Variants in PLD5 observed in about 807,000 individuals in gnomAD.
PLD5 encodes inactive phospholipase D5.
Under a neutral mutation model 61.1 loss-of-function variants are expected in PLD5, and 36 were observed. The ratio of observed to expected loss-of-function variants is 0.59; its 90% CI spans 0.45 to 0.78. PLD5 has a LOEUF of 0.78. Ranked by LOEUF, PLD5 falls within the 30% of genes least tolerant of loss-of-function variation. The pLI is 0.00. For missense variants in PLD5, 515 were observed against 644.4 expected (o/e 0.80, Z 2.17); for synonymous variants, 243 against 242.8 (o/e 1.00, Z -0.01).
chr1:242,214,207 G>T (rs1171128700), intron 5 of PLD5, among the ~76,000 whole-genome samples: 1 of 152,150 alleles, frequency 6.6e-6, no homozygotes, highest in African/African-American at 2.4e-5. Flanking sequence ...GGTAAATTTG[G>T]AAAAGCAGCA....
At chr1:242,198,290 A>C (rs1295550975) in intron 5 of PLD5, among the ~76,000 whole-genome samples, 4 of 152,182 alleles carry the variant, frequency 2.6e-5, no homozygotes, top group Non-Finnish European at 5.9e-5. Context: ...CTAGTCTTTA[A>C]ATTTGGAAGT....
At chr1:242,496,222 T>C (rs999413723) in intron 1 of PLD5, among the ~76,000 whole-genome samples, 2 of 152,112 alleles carry the variant, frequency 1.3e-5, no homozygotes, top group African/African-American at 4.8e-5. Flanking sequence ...TCTTTTAAAC[T>C]GTGTAAGGGA....
chr1:242,120,513 G>A (rs1423171381), intron 6 of PLD5, among the ~76,000 whole-genome samples: 1 of 152,050 alleles, frequency 6.6e-6, no homozygotes, highest in African/African-American at 2.4e-5. Flanking sequence ...CTGTAAGGCT[G>A]TTAAACTAAT....
intron 4 of PLD5, among the ~76,000 whole-genome samples, chr1:242,241,088 C>T (rs527703575): frequency 1.3e-5 from 2 of 152,210 alleles, no homozygotes; most frequent in African/African-American, 2.4e-5. Flanking sequence ...CTACGTTAGA[C>T]GAGCCAAGAA....
chr1:242,252,248 T>C (rs958158651), intron 4 of PLD5, among the ~76,000 whole-genome samples: 3 of 152,180 alleles, frequency 2.0e-5, no homozygotes, highest in Admixed American at 6.5e-5. Context: ...AGAACAGAAA[T>C]AGAGCTTGGC....
chr1:242,256,934 A>G lies in PLD5; in HGVS notation c.607+8403T>C, dbSNP rs552413872. On this transcript the variant is annotated intron_variant, in intron 4 of 9. Coordinates refer to ENST00000536534, the MANE Select transcript of PLD5 (RefSeq NM_001372062.1). This position sits in a 1 kb window ranked among gnomAD's most constrained non-coding sequence, Gnocchi z 5.7. ...ATCTATCTATCTATCTATCTATCTAATCTATCTCTACCTACTGTCTTCTAT... is the reference window on the plus strand; with the variant it reads ...ATCTATCTATCTATCTATCTATCTAGTCTATCTCTACCTACTGTCTTCTAT... Among the ~76,000 whole-genome samples, 5 of 146,008 alleles carry G rather than the reference A, an allele frequency of 3.4e-5. No individual in the cohort carries two copies. Among genetic ancestry groups the G allele is most frequent in the Non-Finnish European group, 6.0e-5 (4 of 66,822 alleles).
chr1:242,212,610 C>T (rs752640782), intron 5 of PLD5, among the ~76,000 whole-genome samples: 3 of 151,998 alleles, frequency 2.0e-5, no homozygotes, highest in Non-Finnish European at 2.9e-5. Flanking sequence ...AGCCGCCAGG[C>T]AGCGGGGTGG....
At chr1:242,394,947 G>GAATATATATGATTATATATGAATATAT (rs1446886022) in intron 1 of PLD5, among the ~76,000 whole-genome samples, 1 of 99,522 alleles carries the variant, frequency 1.0e-5, no homozygotes, top group Non-Finnish European at 2.0e-5. Flanking sequence ...GAATATATAT[G>GAATATATATGATTATATATGAATATAT]ATTATATATG....
intron 5 of PLD5, among the ~76,000 whole-genome samples, chr1:242,180,375 T>C (rs1667444531): frequency 6.6e-6 from 1 of 152,180 alleles, no homozygotes; most frequent in African/African-American, 2.4e-5. Flanking sequence ...TATATATGCA[T>C]ATATATCAAT....
intron 1 of PLD5, among the ~76,000 whole-genome samples, chr1:242,386,745 T>C (rs1056739526): frequency 2.0e-5 from 3 of 152,176 alleles, no homozygotes; most frequent in African/African-American, 7.2e-5. Flanking sequence ...AAAGGGGCTT[T>C]ATAATAGAAT....
At chr1:242,351,401 T>C (rs993486046) in intron 1 of PLD5, among the ~76,000 whole-genome samples, 4 of 152,206 alleles carry the variant, frequency 2.6e-5, no homozygotes, top group Admixed American at 1.3e-4. Context: ...CCATGTGTCA[T>C]GGAAGGGACG....
At chr1:242,184,013 A>C (rs1037556045) in intron 5 of PLD5, among the ~76,000 whole-genome samples, 1 of 152,218 alleles carries the variant, frequency 6.6e-6, no homozygotes, top group Admixed American at 6.5e-5. Context: ...CTGTTTGAAA[A>C]AAGTTGTACG....
intron 2 of PLD5, among the ~76,000 whole-genome samples, chr1:242,294,533 C>A (rs1448421207): frequency 6.6e-6 from 1 of 152,036 alleles, no homozygotes; most frequent in African/African-American, 2.4e-5. Flanking sequence ...AATATGATAC[C>A]TTCATACTTG....
Position 242,456,915 on chromosome 1 carries a change from G to A in PLD5, c.189+67173C>T, listed in dbSNP as rs556205891. ...CTATTTCCTAATTCCTTCCATATGC[G>A]CAGTTGAATGGGAAAACAAGAATGT... On this transcript the variant is annotated intron_variant, in intron 1 of 9. Coordinates refer to ENST00000536534, the MANE Select transcript of PLD5 (RefSeq NM_001372062.1). 9.2e-5 allele frequency among the ~76,000 whole-genome samples: 14 copies of A among 152,174 alleles called. No homozygotes were observed. In the South Asian group the frequency reaches 1.2e-3, roughly 14 times the overall value.
chr1:242,222,824 C>T (rs1670688181), intron 4 of PLD5, among the ~76,000 whole-genome samples: 1 of 152,190 alleles, frequency 6.6e-6, no homozygotes, highest in African/African-American at 2.4e-5. Context: ...CAGCCAGAGC[C>T]TCTGCAGCTA....
Position 242,113,871 on chromosome 1 carries a change from A to T in PLD5, c.1070+19T>A. Reference sequence around the variant, plus strand: ...GTCTTAGGGACTGGGTTCTAACCAGAGGCTGGGCATTCACTGACCTTTTGG... The same window carrying T: ...GTCTTAGGGACTGGGTTCTAACCAGTGGCTGGGCATTCACTGACCTTTTGG... On this transcript the variant is annotated intron_variant, in intron 7 of 9. Transcript: ENST00000536534. 1 of 1,610,192 alleles carries T rather than the reference A, an allele frequency of 6.2e-7. No homozygotes were observed. Among genetic ancestry groups the T allele is most frequent in the Non-Finnish European group, 8.5e-7 (1 of 1,178,312 alleles).
intron 3 of PLD5, among the ~76,000 whole-genome samples, chr1:242,271,253 G>A (rs1443343088): frequency 1.4e-5 from 2 of 145,838 alleles, no homozygotes; most frequent in African/African-American, 5.3e-5. Flanking sequence ...GAAACATAAG[G>A]GGAATCAGGG....
At chr1:242,261,290 G>A (rs1287506037) in intron 4 of PLD5, among the ~76,000 whole-genome samples, 3 of 152,140 alleles carry the variant, frequency 2.0e-5, no homozygotes, top group Admixed American at 1.3e-4. Context: ...TTAAACGAAC[G>A]ACCCTCCGTA....
chr1:242,311,461 T>A (rs1353440944), intron 2 of PLD5, among the ~76,000 whole-genome samples: 1 of 152,212 alleles, frequency 6.6e-6, no homozygotes, highest in Non-Finnish European at 1.5e-5. Context: ...ATGCTGATGC[T>A]GTAGGCCCAG....
Sources: gnomAD v4.1 joint callset for allele counts (sites outside exome capture counted in the v4.1 genomes callset) on GRCh38, gnomAD v4.1.1 for gene constraint, Gnocchi (gnomAD v3.1) non-coding constraint, MANE v1.5 for transcripts, NCBI Gene and HGNC (gene_info 2026-07-23, HGNC 2026-07-21) for gene names.